The following DLG2 variants were observed in gnomAD, a reference collection of about 807,000 sequenced individuals.
DLG2 encodes discs large MAGUK scaffold protein 2.
A neutral mutation model predicts 132.5 loss-of-function variants in DLG2; 45 were observed. That is an observed-to-expected ratio of 0.34 (90% CI 0.27 to 0.44). The LOEUF is 0.44. Ranked by LOEUF, DLG2 falls within the 20% of genes least tolerant of loss-of-function variation. The pLI, the probability that DLG2 is intolerant of heterozygous loss-of-function variation, is 1.00. For missense variants in DLG2, 1,045 were observed against 1,196.9 expected (o/e 0.87, Z 1.87); for synonymous variants, 424 against 419.6 (o/e 1.01, Z -0.13).
At chr11:83,966,430 G>T (rs1439238390) in intron 12 of DLG2, among the ~76,000 whole-genome samples, 1 of 151,940 alleles carries the variant, frequency 6.6e-6, no homozygotes, top group East Asian at 1.9e-4. Flanking sequence ...TTATTGCATG[G>T]AAAAGCCTGT....
At chr11:84,850,894 C>T (rs1199586651) in intron 6 of DLG2, among the ~76,000 whole-genome samples, 4 of 151,970 alleles carry the variant, frequency 2.6e-5, no homozygotes, top group African/African-American at 9.7e-5. Flanking sequence ...AATAAAAGTT[C>T]TGACCAACTA....
intron 18 of DLG2, among the ~76,000 whole-genome samples, chr11:83,767,130 A>G (rs2153780239): frequency 6.6e-6 from 1 of 152,200 alleles, no homozygotes. Context: ...GAAAAGTCCT[A>G]TTTGCCTTAT....
At chr11:84,626,423 C>T (rs2099622611) in intron 6 of DLG2, among the ~76,000 whole-genome samples, 1 of 152,118 alleles carries the variant, frequency 6.6e-6, no homozygotes, top group African/African-American at 2.4e-5. Context: ...AATCCTCCTC[C>T]ACATCATTGA....
intron 21 of DLG2, 68 bp from the exon 22 acceptor site, chr11:83,484,296 A>AAAC: frequency 8.8e-7 from 1 of 1,140,370 alleles, no homozygotes; most frequent in Non-Finnish European, 1.3e-6. Context: ...CATGCTGACA[A>AAAC]AACAACTAGT....
intron 6 of DLG2, among the ~76,000 whole-genome samples, chr11:84,801,782 A>G (rs2075407516): frequency 6.6e-6 from 1 of 152,182 alleles, no homozygotes; most frequent in African/African-American, 2.4e-5. Flanking sequence ...CTACATTATA[A>G]TGATTACAGA....
intron 3 of DLG2, among the ~76,000 whole-genome samples, chr11:85,351,257 T>G (rs1565363781): frequency 6.6e-6 from 1 of 152,194 alleles, no homozygotes; most frequent in Non-Finnish European, 1.5e-5. Context: ...GCACATTGAT[T>G]TTTTATCAGT....
At chr11:84,633,951 T>C (rs1416927242) in intron 6 of DLG2, among the ~76,000 whole-genome samples, 1 of 152,126 alleles carries the variant, frequency 6.6e-6, no homozygotes, top group Non-Finnish European at 1.5e-5. Context: ...CTGCAATAAC[T>C]GGAACAGGAT....
chr11:83,511,024 G>A (rs1475852694), intron 21 of DLG2, among the ~76,000 whole-genome samples: 5 of 83,224 alleles, frequency 6.0e-5, no homozygotes, highest in South Asian at 4.4e-4. Flanking sequence ...CCAATACTAC[G>A]TTTTGAGAAA....
chr11:84,588,348 C>A (rs2099534717), intron 6 of DLG2, among the ~76,000 whole-genome samples: 1 of 152,174 alleles, frequency 6.6e-6, no homozygotes. Context: ...CCAAACACCT[C>A]ATTTGCACAA....
intron 6 of DLG2, among the ~76,000 whole-genome samples, chr11:84,956,494 C>T (rs2051685706): frequency 6.6e-6 from 1 of 152,164 alleles, no homozygotes; most frequent in African/African-American, 2.4e-5. Context: ...TATCATTTCC[C>T]TACAACACAG....
At chr11:85,130,437 T>A (rs1263415759) in intron 5 of DLG2, among the ~76,000 whole-genome samples, 1 of 152,080 alleles carries the variant, frequency 6.6e-6, no homozygotes, top group Non-Finnish European at 1.5e-5. Flanking sequence ...AGTGAGGGAC[T>A]TTCATGCCAA....
At chr11:84,094,480 G>C (rs1449547956) in intron 10 of DLG2, among the ~76,000 whole-genome samples, 1 of 151,936 alleles carries the variant, frequency 6.6e-6, no homozygotes, top group Non-Finnish European at 1.5e-5. Flanking sequence ...TTATTTAACT[G>C]TCAAAAATAT....
At chr11:84,761,252 G>C (rs2153862854) in intron 6 of DLG2, among the ~76,000 whole-genome samples, 1 of 152,306 alleles carries the variant, frequency 6.6e-6, no homozygotes, top group Middle Eastern at 3.4e-3. Context: ...ACCCGTGATG[G>C]TGTAATGGTT....
chr11:85,285,538 T>C (rs2078501339), intron 3 of DLG2, among the ~76,000 whole-genome samples, 173 bp from the exon 4 acceptor site: 1 of 152,016 alleles, frequency 6.6e-6, no homozygotes, highest in African/African-American at 2.4e-5. Context: ...TTTACCTGCA[T>C]TTAGAATGCT....
At chr11:84,594,273 C>T (rs967245546) in intron 6 of DLG2, among the ~76,000 whole-genome samples, 1 of 152,178 alleles carries the variant, frequency 6.6e-6, no homozygotes, top group Non-Finnish European at 1.5e-5. Flanking sequence ...TCTCAAGCCT[C>T]TCTTCTCCAT....
At chr11:85,240,955 C>A (rs996677753) in intron 4 of DLG2, among the ~76,000 whole-genome samples, 1 of 151,246 alleles carries the variant, frequency 6.6e-6, no homozygotes, top group Non-Finnish European at 1.5e-5. Context: ...CAAAAGAAAC[C>A]TGTTAAATTT....
chr11:83,842,383 C>T (rs1335570643), intron 16 of DLG2, among the ~76,000 whole-genome samples: 1 of 152,100 alleles, frequency 6.6e-6, no homozygotes, highest in Non-Finnish European at 1.5e-5. Context: ...ATCATGAGGT[C>T]AAGAGATTGA....
rs534386900 is a variant in DLG2, at chr11:85,495,719, G to A, written c.40+102938C>T. On this transcript the variant is annotated intron_variant, in intron 3 of 27. Coordinates refer to ENST00000376104, the MANE Select transcript of DLG2 (RefSeq NM_001142699.3). ...TAGTTTAACCATTGTGGAAGACAATGTGGCAATTCCTCAAGGATCTAGAAC... is the reference window on the plus strand; with the variant it reads ...TAGTTTAACCATTGTGGAAGACAATATGGCAATTCCTCAAGGATCTAGAAC... 1.7e-4 allele frequency among the ~76,000 whole-genome samples: 26 copies of A among 152,316 alleles called. No homozygotes were observed. In the South Asian group the frequency reaches 5.2e-3, roughly 30 times the overall value.
chr11:84,530,138 A>T (rs1401360047), intron 7 of DLG2, among the ~76,000 whole-genome samples: 6 of 152,242 alleles, frequency 3.9e-5, no homozygotes, highest in Admixed American at 1.3e-4. Flanking sequence ...GTACAAAAAA[A>T]TCAACTCAAG....
Sources: gnomAD v4.1 joint callset for allele counts (sites outside exome capture counted in the v4.1 genomes callset) on GRCh38, gnomAD v4.1.1 for gene constraint, MANE v1.5 for transcripts, NCBI Gene and HGNC (gene_info 2026-07-23, HGNC 2026-07-21) for gene names.